Variants in SZT2 observed in about 807,000 individuals in gnomAD.
SZT2 encodes the protein SZT2 subunit of KICSTOR complex.
In SZT2, 216 loss-of-function variants were observed where a neutral mutation model predicts 404.2. The ratio of observed to expected loss-of-function variants is 0.53; its 90% CI spans 0.48 to 0.60. The LOEUF is 0.60. SZT2 is among the 20% of genes least tolerant of loss of function. SZT2 has a pLI of 0.00. For synonymous variants in SZT2, 1,693 were observed against 1,749.9 expected (o/e 0.97, Z 0.81); for missense variants, 3,857 against 4,459.2 (o/e 0.86, Z 3.85).
In SZT2 at chr1:43,441,275, G is replaced by A. The variant is rs1655030817; in HGVS notation, c.7406G>A (p.Arg2469Gln). ...ACAACTGATGACATTGTCCTGGATC[G>A]GCCAGAAGACACTCGGGGCCGGAGG... ...PKTTDDIVLD[R>Q]PEDTRGRRRH... The change falls in exon 53 of 72, where the codon CGG becomes CAG. Residue 2469 changes from arginine to glutamine, a missense_variant. Physicochemically the swap from Arg to Gln is conservative, Grantham distance 43. Coordinates refer to ENST00000634258, the MANE Select transcript of SZT2 (RefSeq NM_001365999.1). This position sits in a 1 kb window ranked among gnomAD's most constrained non-coding sequence, Gnocchi z 4.8. 3.1e-6 allele frequency: 5 copies of A among 1,614,108 alleles called. No individual in the cohort carries two copies. The highest frequency in any genetic ancestry group is 1.3e-5 in the African/African-American group (1 of 74,940).
At chr1:43,438,638 G>A in intron 46 of SZT2, 61 bp from the exon 47 acceptor site, 1 of 1,500,756 alleles carries the variant, frequency 6.7e-7, no homozygotes, top group Non-Finnish European at 9.2e-7. Flanking sequence ...TGATAGGGCT[G>A]CTATGGAGGT....
At chr1:43,419,383 T>G (rs1570616905) in intron 7 of SZT2, among the ~76,000 whole-genome samples, 1 of 152,114 alleles carries the variant, frequency 6.6e-6, no homozygotes, top group South Asian at 2.1e-4. Context: ...TCCCCAGGTG[T>G]TTTTCATACA....
In SZT2 at chr1:43,419,091, T is replaced by C. The variant is rs372839337; in HGVS notation, c.880-643T>C. ...CTTTCTGCAAAGGCCAGTCAGTCTT[T>C]AAGCCTTGTGGGCCACTTGGTCCGT... On this transcript the variant is annotated intron_variant, in intron 7 of 71. Transcript: ENST00000634258. Among the ~76,000 whole-genome samples, 13 of 152,344 alleles carry C rather than the reference T, an allele frequency of 8.5e-5. No homozygotes were observed. The South Asian group carries it at 2.7e-3, about 32-fold the overall frequency.
chr1:43,399,112 G>A (rs839762), intron 1 of SZT2, among the ~76,000 whole-genome samples: 151,772 of 152,274 alleles, frequency 1, 75,635 homozygotes, highest in East Asian at 1. Flanking sequence ...ATTTTGCAGC[G>A]TATTGGTTTC....
chr1:43,420,807 G>T lies in SZT2; in HGVS notation c.1320G>T (p.Glu440Asp), dbSNP rs759088336. 6.3e-7 allele frequency: 1 copy of T among 1,598,464 alleles called. No homozygotes were observed. The highest frequency in any genetic ancestry group is 8.5e-7 in the Non-Finnish European group (1 of 1,179,820). ...TGTGGAAACACAACATGCGCATTGA[G>T]TATGTGGCTATGGCACCCTGGCCCC... The part of the protein sequence containing the change: ...VLLWKHNMRI[E>D]YVAMAPWPLE... The change falls in exon 10 of 72, where the codon GAG becomes GAT. Residue 440 changes from glutamate (E) to aspartate (D), a missense_variant. Glu to Asp is a conservative substitution (Grantham distance 45). This residue lies in a region of SZT2 where 536 missense variants were observed against 637.4 expected (regional missense o/e 0.84). Coordinates refer to ENST00000634258, the MANE Select transcript of SZT2 (RefSeq NM_001365999.1). This position sits in a 1 kb window ranked among gnomAD's most constrained non-coding sequence, Gnocchi z 5.1.
chr1:43,426,653 A>G lies in SZT2; in HGVS notation c.3215-62A>G. 6.6e-7 allele frequency: 1 copy of G among 1,523,996 alleles called. No homozygotes were observed. The highest frequency in any genetic ancestry group is 8.9e-7 in the Non-Finnish European group (1 of 1,125,406). 94.4% of individuals were successfully genotyped at this position (1,523,996 alleles called of 1,614,324 possible). A position where few individuals can be genotyped will look rare whatever the true frequency, so the allele number is the denominator to read the frequency against. On this transcript the variant is annotated intron_variant, in intron 22 of 71. Coordinates refer to ENST00000634258, the MANE Select transcript of SZT2 (RefSeq NM_001365999.1). This position sits in a 1 kb window ranked among gnomAD's most constrained non-coding sequence, Gnocchi z 4.9. ...TTTCCCCTTCCTCCCCCTTTCTTCA[A>G]CCCAGAGTCCCGCCTCTCTGCTGGC...
chr1:43,428,563 G>C, intron 28 of SZT2, 77 bp downstream of exon 28: 1 of 1,552,602 alleles, frequency 6.4e-7, no homozygotes, highest in Non-Finnish European at 8.7e-7. Context: ...CCAGTCCAGG[G>C]GAATGACTGT....
chr1:43,416,151 G>A (rs767953839), intron 6 of SZT2, 50 bp downstream of exon 6: 30 of 1,579,794 alleles, frequency 1.9e-5, no homozygotes, highest in Non-Finnish European at 2.3e-5. Context: ...ATACAGGAAG[G>A]GTGGGGCTGA....
intron 11 of SZT2, 72 bp downstream of exon 11, chr1:43,421,375 C>G: frequency 6.4e-7 from 1 of 1,559,862 alleles, no homozygotes; most frequent in Non-Finnish European, 8.6e-7. Context: ...AGCCCAGGAC[C>G]ACCACCTTCT....
intron 1 of SZT2, among the ~76,000 whole-genome samples, chr1:43,398,977 G>A (rs1649328808): frequency 6.6e-6 from 1 of 152,104 alleles, no homozygotes; most frequent in Admixed American, 6.5e-5. Context: ...CTACTCAGGA[G>A]GCTGAGGTGG....
Position 43,452,047 on chromosome 1 carries a change from C to A in SZT2, c.*1567C>A. The A allele has an allele frequency of 1.3e-6, 2 of 1,583,402 alleles. No homozygotes were observed. The highest frequency in any genetic ancestry group is 8.6e-7 in the Non-Finnish European group (1 of 1,160,394). On this transcript the variant is annotated 3_prime_UTR_variant, in exon 72 of 72. Coordinates refer to ENST00000634258, the MANE Select transcript of SZT2 (RefSeq NM_001365999.1). ...ATGTCGGGTGCTGTGAATAGAGCTC[C>A]TTCCCAAGTTTGTCCCCCATCAGTC... is the stretch of plus-strand genomic sequence containing the variant.
In SZT2 at chr1:43,451,607, G is replaced by C. The variant is rs1287445301; in HGVS notation, c.*1127G>C. ...CTGCCAGGGCCTGAAGGACAGATGT[G>C]GGGATTGAAAGGGTGGGAGGGCAAA... On this transcript the variant is annotated 3_prime_UTR_variant, in exon 72 of 72. Coordinates refer to ENST00000634258, the MANE Select transcript of SZT2 (RefSeq NM_001365999.1). The C allele has an allele frequency of 3.1e-6, 5 of 1,613,846 alleles. No individual in the cohort carries two copies. In the Admixed American group the frequency reaches 8.3e-5, roughly 27 times the overall value.
At position 43,453,170 on chromosome 1, in the gene SZT2, G is replaced by C; in HGVS notation, c.*2690G>C. 1.5e-6 allele frequency: 1 copy of C among 654,896 alleles called. No homozygotes were observed. The highest frequency in any genetic ancestry group is 2.3e-5 in the Admixed American group (1 of 42,980). 40.6% of individuals were successfully genotyped at this position (654,896 alleles called of 1,614,324 possible). On this transcript the variant is annotated 3_prime_UTR_variant, in exon 72 of 72. Transcript: ENST00000634258. ...CCTAGGCAGACTGAGCTCCCAGCATGGGATCCCAGCATGGGGTGAGCATGA... is the reference window on the plus strand; with the variant it reads ...CCTAGGCAGACTGAGCTCCCAGCATCGGATCCCAGCATGGGGTGAGCATGA...
In SZT2 at chr1:43,415,186, G is replaced by A. The variant is rs1557531678; in HGVS notation, c.603G>A (p.Leu201=). The change falls in exon 5 of 72, where the codon CTG becomes CTA. Residue 201 remains leucine (L), a synonymous_variant. Transcript: ENST00000634258. ...TTGAGGATAAGGTGGCCACCATGCT[G>A]CAGCAGCAGTACGATCCCCAGAGCC... ...CLFEDKVATM[L]QQQYDPQSQA... 4.4e-6 allele frequency: 7 copies of A among 1,598,008 alleles called. No homozygotes were observed. The highest frequency in any genetic ancestry group is 5.9e-6 in the Non-Finnish European group (7 of 1,179,558).
rs200996082 is a variant in SZT2, at chr1:43,435,187, C to G, written c.5905-13C>G. 8.6e-4 allele frequency: 1,394 copies of G among 1,613,826 alleles called. 27 individuals are homozygous for G. In the South Asian group the frequency reaches 0.015, roughly 17 times the overall value. On this transcript the variant is annotated splice_polypyrimidine_tract_variant and intron_variant, in intron 41 of 71. Coordinates refer to ENST00000634258, the MANE Select transcript of SZT2 (RefSeq NM_001365999.1). ...GGTATTTCAGTTCCCTGACCTCATG[C>G]TCCTTCTCCCAGCGACTGCTTCTTC...
Position 43,399,408 on chromosome 1 carries a change from C to G in SZT2, c.28-3769C>G, listed in dbSNP as rs1227553584. On this transcript the variant is annotated intron_variant, in intron 1 of 71. Coordinates refer to ENST00000634258, the MANE Select transcript of SZT2 (RefSeq NM_001365999.1). ...TCTAGTCTAAGCCACTGTCATCTCC[C>G]CTAGTTGTTAGTCTGCGGTGGGAGG... 2.0e-5 allele frequency among the ~76,000 whole-genome samples: 3 copies of G among 151,990 alleles called. No homozygotes were observed. In the East Asian group the frequency reaches 5.8e-4, roughly 29 times the overall value.
chr1:43,405,870 C>T (rs1206507514), intron 4 of SZT2: 1 of 152,282 alleles, frequency 6.6e-6, no homozygotes, highest in African/African-American at 2.4e-5. Flanking sequence ...TATACCAGGC[C>T]TGAGCAGGTC....
Position 43,439,071 on chromosome 1 carries a change from G to A in SZT2, c.6770G>A (p.Ser2257Asn). The A allele has an allele frequency of 6.2e-7, 1 of 1,614,170 alleles. No individual in the cohort carries two copies. The highest frequency in any genetic ancestry group is 8.5e-7 in the Non-Finnish European group (1 of 1,180,030). ...IFLHSPKYTD[S>N]NSRNHFQHPL... ...CTGCACTCTCCCAAGTACACAGATA[G>A]CAACAGCCGGAACCACTTCCAAGTG... is the stretch of plus-strand genomic sequence containing the variant. The change falls in exon 48 of 72, where the codon AGC becomes AAC. Residue 2257 changes from serine (S) to asparagine (N), a missense_variant. By Grantham distance (46) the Ser-to-Asn change is conservative (BLOSUM62 1). Transcript: ENST00000634258. The surrounding 1 kb of genome is among the most constrained non-coding windows in gnomAD (Gnocchi z 4.2).
intron 1 of SZT2, among the ~76,000 whole-genome samples, chr1:43,400,310 CT>C (rs1386176223): frequency 6.6e-6 from 1 of 152,142 alleles, no homozygotes; most frequent in Non-Finnish European, 1.5e-5. Context: ...TTTAAATTCT[CT>C]TTTTATCTTT....
Sources: allele counts gnomAD v4.1 joint callset (sites outside exome capture counted in the v4.1 genomes callset), GRCh38; gene constraint gnomAD v4.1.1; regional missense constraint gnomAD v4.1.1; non-coding constraint Gnocchi (gnomAD v3.1); transcripts MANE v1.5; gene names NCBI Gene and HGNC (gene_info 2026-07-23, HGNC 2026-07-21).